Variants in ST8SIA1 observed in about 807,000 individuals in gnomAD.
ST8SIA1 encodes alpha-N-acetylneuraminide alpha-2,8-sialyltransferase.
Under a neutral mutation model 35.9 loss-of-function variants are expected in ST8SIA1, and 16 were observed. The observed-to-expected ratio is 0.45, with a 90% CI of 0.30 to 0.68. The LOEUF is 0.68. Among genes scored for constraint, ST8SIA1 ranks in the 30% least tolerant of loss-of-function variants. The probability of loss-of-function intolerance (pLI) is 0.09; values close to 1 mark genes in which losing one functional copy is unlikely to be tolerated. For missense variants in ST8SIA1, 383 were observed against 453.6 expected (o/e 0.84, Z 1.41); for synonymous variants, 170 against 169.6 (o/e 1.00, Z -0.02).
intron 1 of ST8SIA1, among the ~76,000 whole-genome samples, chr12:22,297,116 T>G (rs1866255933): frequency 6.6e-6 from 1 of 152,130 alleles, no homozygotes; most frequent in African/African-American, 2.4e-5. Flanking sequence ...TTTTTCTTTC[T>G]TGTTGTAATG....
chr12:22,256,015 G>A (rs939222655), intron 2 of ST8SIA1, among the ~76,000 whole-genome samples: 3 of 152,252 alleles, frequency 2.0e-5, no homozygotes, highest in African/African-American at 7.2e-5. Context: ...CAATCCACAA[G>A]GAGGAAGAAG....
At chr12:22,259,887 T>C (rs540741605) in intron 2 of ST8SIA1, among the ~76,000 whole-genome samples, 1 of 152,352 alleles carries the variant, frequency 6.6e-6, no homozygotes, top group South Asian at 2.1e-4. Context: ...ATGAACAAGA[T>C]GTTTTCCTTT....
rs537564958 is a variant in ST8SIA1, at chr12:22,290,480, T to C, written c.237-3187A>G. Among the ~76,000 whole-genome samples, 81 of 152,312 alleles carry C rather than the reference T, an allele frequency of 5.3e-4. 1 individual carries two copies. The highest frequency in any genetic ancestry group is 1.9e-3 in the African/African-American group (79 of 41,564). On this transcript the variant is annotated intron_variant, in intron 1 of 4. Coordinates refer to ENST00000396037, the MANE Select transcript of ST8SIA1 (RefSeq NM_003034.4). ...AAAGCTGTGCTAGGTTCTTGGGATA[T>C]AAAATGGAATTTAAAACCAGATCTT...
intron 1 of ST8SIA1, among the ~76,000 whole-genome samples, chr12:22,330,615 G>A (rs1244396871): frequency 6.6e-6 from 1 of 152,100 alleles, no homozygotes; most frequent in Non-Finnish European, 1.5e-5. Flanking sequence ...CAACTCCCTT[G>A]AAGACCAGGG....
intron 2 of ST8SIA1, among the ~76,000 whole-genome samples, chr12:22,273,645 A>G (rs978965239): frequency 6.6e-6 from 1 of 152,146 alleles, no homozygotes; most frequent in African/African-American, 2.4e-5. Flanking sequence ...TCCACTCTCT[A>G]TTAATGAACT....
chr12:22,296,438 C>T (rs760014196), intron 1 of ST8SIA1, among the ~76,000 whole-genome samples: 5 of 152,110 alleles, frequency 3.3e-5, no homozygotes, highest in South Asian at 4.2e-4. Flanking sequence ...ATATTTCTAA[C>T]ATTTTCTCTA....
At position 22,293,445 on chromosome 12, in the gene ST8SIA1, T is replaced by C. The variant is rs548018160; in HGVS notation, c.237-6152A>G. 2.6e-5 allele frequency among the ~76,000 whole-genome samples: 4 copies of C among 152,366 alleles called. No individual in the cohort carries two copies. In the South Asian group the frequency reaches 8.3e-4, roughly 32 times the overall value. ...ATTTGGCTTTCAGCCAAAATGTGTA[T>C]CTAATGCATTTCCTGCAGACAGCTA... is the stretch of plus-strand genomic sequence containing the variant. On this transcript the variant is annotated intron_variant, in intron 1 of 4. Coordinates refer to ENST00000396037, the MANE Select transcript of ST8SIA1 (RefSeq NM_003034.4).
At chr12:22,225,837 T>C (rs1865350264) in intron 4 of ST8SIA1, among the ~76,000 whole-genome samples, 1 of 152,170 alleles carries the variant, frequency 6.6e-6, no homozygotes, top group African/African-American at 2.4e-5. Flanking sequence ...AATTTTAGTG[T>C]ACCTCAATTT....
At chr12:22,202,577 G>A (rs1055485824) in intron 4 of ST8SIA1, among the ~76,000 whole-genome samples, 1 of 152,098 alleles carries the variant, frequency 6.6e-6, no homozygotes, top group South Asian at 2.1e-4. Context: ...AATGATGCAG[G>A]GAGTTGCCCA....
chr12:22,320,320 G>A (rs1326825049), intron 1 of ST8SIA1, among the ~76,000 whole-genome samples: 1 of 152,104 alleles, frequency 6.6e-6, no homozygotes, highest in Non-Finnish European at 1.5e-5. Flanking sequence ...CCACCCTGAG[G>A]CCAAAATAGG....
At chr12:22,231,628 C>T (rs1865422301) in intron 4 of ST8SIA1, among the ~76,000 whole-genome samples, 1 of 151,816 alleles carries the variant, frequency 6.6e-6, no homozygotes, top group South Asian at 2.1e-4. Flanking sequence ...GGCTAGAGTG[C>T]AGTGGTGCGA....
intron 1 of ST8SIA1, among the ~76,000 whole-genome samples, chr12:22,321,663 A>C (rs148318033): frequency 0.011 from 1,672 of 152,360 alleles, 34 homozygotes; most frequent in African/African-American, 0.038. Flanking sequence ...CAAGTTGTTC[A>C]GAGACCCATT....
chr12:22,264,022 C>G (rs1865819606), intron 2 of ST8SIA1, among the ~76,000 whole-genome samples: 1 of 152,054 alleles, frequency 6.6e-6, no homozygotes. Context: ...GCATTCCGAC[C>G]CTTTTCTTTC....
chr12:22,306,058 G>A (rs973388990), intron 1 of ST8SIA1, among the ~76,000 whole-genome samples: 1 of 152,130 alleles, frequency 6.6e-6, no homozygotes, highest in African/African-American at 2.4e-5. Context: ...AAGCAAGATG[G>A]AATCAGTTAG....
At chr12:22,222,770 CTAAA>C (rs1283130684) in intron 4 of ST8SIA1, among the ~76,000 whole-genome samples, 1 of 151,858 alleles carries the variant, frequency 6.6e-6, no homozygotes. Context: ...AAGTAAGATT[CTAAA>C]TAGTCATATA....
At chr12:22,305,632 C>T (rs576083751) in intron 1 of ST8SIA1, among the ~76,000 whole-genome samples, 10 of 152,096 alleles carry the variant, frequency 6.6e-5, no homozygotes, top group Non-Finnish European at 1.3e-4. Flanking sequence ...CCACCTGCCT[C>T]GGCCTCCCAA....
intron 4 of ST8SIA1, chr12:22,223,828 A>G (rs1865327857): frequency 1.7e-6 from 2 of 1,192,312 alleles, no homozygotes; most frequent in Non-Finnish European, 2.1e-6. Context: ...TATTCCCTGC[A>G]ATATCCTTAA....
chr12:22,219,201 T>G (rs1399554273), intron 4 of ST8SIA1, among the ~76,000 whole-genome samples: 1 of 152,222 alleles, frequency 6.6e-6, no homozygotes, highest in Non-Finnish European at 1.5e-5. Flanking sequence ...ATTATTATTT[T>G]ATTAAAAGTT....
intron 2 of ST8SIA1, among the ~76,000 whole-genome samples, chr12:22,279,226 G>T (rs1227871700): frequency 1.3e-5 from 2 of 152,160 alleles, no homozygotes; most frequent in East Asian, 3.9e-4. Flanking sequence ...CTGAAGCTAT[G>T]GGAATCACTA....
Sources: allele counts gnomAD v4.1 joint callset (sites outside exome capture counted in the v4.1 genomes callset), GRCh38; gene constraint gnomAD v4.1.1; transcripts MANE v1.5; gene names NCBI Gene and HGNC (gene_info 2026-07-23, HGNC 2026-07-21).